The following RIMS1 variants were observed in gnomAD, a reference collection of about 807,000 sequenced individuals.
The protein encoded by RIMS1 is regulating synaptic membrane exocytosis 1.
Under a neutral mutation model 214.1 loss-of-function variants are expected in RIMS1, and 83 were observed. The ratio of observed to expected loss-of-function variants is 0.39; its 90% CI spans 0.32 to 0.47. The LOEUF (loss-of-function observed/expected upper bound fraction) is 0.47, where lower values mean the gene tolerates loss of function less well. Ranked by LOEUF, RIMS1 falls within the 20% of genes least tolerant of loss-of-function variation. The pLI is 0.99. For missense variants in RIMS1, 2,050 were observed against 2,161.8 expected (o/e 0.95, Z 1.03); for synonymous variants, 793 against 786.8 (o/e 1.01, Z -0.13).
intron 4 of RIMS1, among the ~76,000 whole-genome samples, chr6:72,168,888 C>T (rs1351105971): frequency 6.6e-6 from 1 of 152,094 alleles, no homozygotes; most frequent in Non-Finnish European, 1.5e-5. Context: ...CTGCTCATGT[C>T]TGTCTACTGT....
At chr6:72,137,492 T>G (rs181198304) in intron 4 of RIMS1, among the ~76,000 whole-genome samples, 4 of 152,078 alleles carry the variant, frequency 2.6e-5, no homozygotes, top group African/African-American at 9.6e-5. Context: ...TTAATTTTTA[T>G]TTTTCTGAGA....
intron 2 of RIMS1, among the ~76,000 whole-genome samples, chr6:72,038,118 AATATATATATATATAT>A (rs70994111): frequency 8.9e-4 from 12 of 13,416 alleles, no homozygotes; most frequent in East Asian, 4.7e-3. Flanking sequence ...AAAAAAAAAA[AATATATATATATATAT>A]ATATATATAT....
At chr6:72,328,908 A>G (rs2096570855) in intron 28 of RIMS1, among the ~76,000 whole-genome samples, 1 of 151,858 alleles carries the variant, frequency 6.6e-6, no homozygotes, top group African/African-American at 2.4e-5. Context: ...GCCGTCTGAC[A>G]GATTTCACCC....
At chr6:72,259,304 A>T (rs997911075) in intron 18 of RIMS1, among the ~76,000 whole-genome samples, 193 bp downstream of exon 18, 4 of 152,202 alleles carry the variant, frequency 2.6e-5, no homozygotes, top group African/African-American at 9.6e-5. Flanking sequence ...TTATATTGTT[A>T]TAATTATCCA....
At chr6:71,935,670 C>G (rs1255935480) in intron 1 of RIMS1, among the ~76,000 whole-genome samples, 2 of 152,100 alleles carry the variant, frequency 1.3e-5, no homozygotes, top group Non-Finnish European at 2.9e-5. Context: ...GGACTCAGAC[C>G]CATCCTGATA....
intron 33 of RIMS1, 46 bp downstream of exon 33, chr6:72,399,140 A>G (rs771284856): frequency 6.7e-6 from 10 of 1,485,300 alleles, no homozygotes; most frequent in African/African-American, 1.4e-5. Flanking sequence ...TGTCTGTTTT[A>G]CCCATACATC....
chr6:72,237,236 AAAAG>A (rs1336132764), intron 8 of RIMS1, among the ~76,000 whole-genome samples: 90 of 151,782 alleles, frequency 5.9e-4, no homozygotes, highest in Middle Eastern at 6.8e-3. Context: ...AGAGAAAAAA[AAAAG>A]GAAGGAAGGA....
chr6:71,941,575 T>C (rs1328103244), intron 1 of RIMS1, among the ~76,000 whole-genome samples: 1 of 152,174 alleles, frequency 6.6e-6, no homozygotes, highest in African/African-American at 2.4e-5. Context: ...TCTTCTGAGT[T>C]CTCTCATCCT....
chr6:72,071,125 A>G (rs1240727596), intron 2 of RIMS1, among the ~76,000 whole-genome samples: 1 of 152,206 alleles, frequency 6.6e-6, no homozygotes, highest in Non-Finnish European at 1.5e-5. Flanking sequence ...GGCTCAGCAC[A>G]GTGGCTCATG....
At chr6:72,311,697 C>G (rs1021047802) in intron 27 of RIMS1, among the ~76,000 whole-genome samples, 3 of 152,106 alleles carry the variant, frequency 2.0e-5, no homozygotes, top group Non-Finnish European at 2.9e-5. Context: ...AACACATACA[C>G]ATGAGAGGTA....
intron 1 of RIMS1, among the ~76,000 whole-genome samples, chr6:71,933,587 C>T (rs2150932574): frequency 6.6e-6 from 1 of 151,636 alleles, no homozygotes; most frequent in Non-Finnish European, 1.5e-5. Context: ...TTTTTGAAGA[C>T]CAAAATACCA....
At chr6:71,900,719 A>C (rs1249059104) in intron 1 of RIMS1, among the ~76,000 whole-genome samples, 1 of 152,128 alleles carries the variant, frequency 6.6e-6, no homozygotes, top group Non-Finnish European at 1.5e-5. Context: ...AGAGATCCCA[A>C]ATTTAGTCCT....
chr6:72,054,826 A>G (rs950481786), intron 2 of RIMS1, among the ~76,000 whole-genome samples: 1 of 151,978 alleles, frequency 6.6e-6, no homozygotes, highest in African/African-American at 2.4e-5. Context: ...TGGATATTAG[A>G]CCTTTTTCAG....
intron 26 of RIMS1, among the ~76,000 whole-genome samples, chr6:72,300,899 T>C (rs7761107): frequency 1.8e-3 from 267 of 151,850 alleles, no homozygotes; most frequent in African/African-American, 6.1e-3. Context: ...TGGTTTTGGC[T>C]GCAGTGAGAC....
At chr6:71,967,721 T>C (rs1282788253) in intron 1 of RIMS1, among the ~76,000 whole-genome samples, 2 of 152,212 alleles carry the variant, frequency 1.3e-5, no homozygotes, top group Non-Finnish European at 2.9e-5. Flanking sequence ...TTTAAAACTT[T>C]TATGCAAAGG....
chr6:72,331,964 G>GACCA (rs1302142554), intron 28 of RIMS1, among the ~76,000 whole-genome samples: 10 of 151,800 alleles, frequency 6.6e-5, no homozygotes, highest in Non-Finnish European at 1.2e-4. Context: ...GGATCCTAAG[G>GACCA]ACCAGTCTTA....
chr6:72,400,897 C>T lies in RIMS1; in HGVS notation c.*183C>T. The T allele has an allele frequency of 1.8e-6, 1 of 555,076 alleles. No individual in the cohort carries two copies. Among genetic ancestry groups the T allele is most frequent in the Non-Finnish European group, 3.2e-6 (1 of 313,388 alleles). The allele number at this position is 555,076 out of a possible 1,614,324, so 34.4% of individuals were successfully genotyped here. On this transcript the variant is annotated 3_prime_UTR_variant, in exon 34 of 34. Transcript: ENST00000521978. ...CATGGCTTCATATGACAGAACAAGGCAATCTATCAAATTTACAGGAAGAAT... is the reference window on the plus strand; with the variant it reads ...CATGGCTTCATATGACAGAACAAGGTAATCTATCAAATTTACAGGAAGAAT...
Position 71,894,435 on chromosome 6 carries a change from G to A in RIMS1, c.164+7248G>A, listed in dbSNP as rs141736672. 1.7e-3 allele frequency among the ~76,000 whole-genome samples: 251 copies of A among 149,682 alleles called. 6 individuals are homozygous for A. In the East Asian group the frequency reaches 0.039, roughly 23 times the overall value. On this transcript the variant is annotated intron_variant, in intron 1 of 33. Transcript: ENST00000521978. ...CAGTCCAGCCTGGGCAACAGAGTGAGACTCTGTCTGAAAAAAAAAAGGAAA... is the reference window on the plus strand; with the variant it reads ...CAGTCCAGCCTGGGCAACAGAGTGAAACTCTGTCTGAAAAAAAAAAGGAAA...
At chr6:72,179,363 G>T in intron 4 of RIMS1, 1 of 588,820 alleles carries the variant, frequency 1.7e-6, no homozygotes, top group Non-Finnish European at 3.0e-6. Context: ...CTCTACTCTG[G>T]CTGCTGAGAG....
Sources: gnomAD v4.1 joint callset for allele counts (sites outside exome capture counted in the v4.1 genomes callset) on GRCh38, gnomAD v4.1.1 for gene constraint, MANE v1.5 for transcripts, NCBI Gene and HGNC (gene_info 2026-07-23, HGNC 2026-07-21) for gene names.